The following LRBA variants were observed in gnomAD, a reference collection of about 807,000 sequenced individuals.
LRBA encodes the protein LPS responsive beige-like anchor protein.
Under a neutral mutation model 330.0 loss-of-function variants are expected in LRBA, and 176 were observed. The ratio of observed to expected loss-of-function variants is 0.53; its 90% CI spans 0.47 to 0.60. The LOEUF (loss-of-function observed/expected upper bound fraction) is 0.60. Among genes scored for constraint, LRBA ranks in the 20% least tolerant of loss-of-function variants. LRBA has a pLI of 0.00. For synonymous variants in LRBA, 1,230 were observed against 1,193.0 expected, an observed-to-expected ratio of 1.03 and a Z score of -0.64; for missense variants, 3,259 against 3,444.8, an observed-to-expected ratio of 0.95 and a Z score of 1.35.
At position 150,463,724 on chromosome 4, in the gene LRBA, A is replaced by C. The variant is rs1173328392; in HGVS notation, c.6780+3949T>G. ...GGTACAGCTGTAATATACAAATAAA[A>C]TTTGATTTTAATAAAGGATTCTGTT... On this transcript the variant is annotated intron_variant, in intron 44 of 56. Transcript: ENST00000651943. Among the ~76,000 whole-genome samples the C allele has an allele frequency of 2.6e-5, 4 of 152,002 alleles. 1 individual carries two copies. The highest frequency in any genetic ancestry group is 5.9e-5 in the Non-Finnish European group (4 of 67,952).
intron 37 of LRBA, among the ~76,000 whole-genome samples, chr4:150,671,443 C>A (rs930837249): frequency 2.0e-5 from 3 of 151,782 alleles, no homozygotes; most frequent in Non-Finnish European, 2.9e-5. Flanking sequence ...TCAGATATAC[C>A]CAAGAGATAT....
At chr4:150,904,933 C>T (rs1731160463) in intron 13 of LRBA, among the ~76,000 whole-genome samples, 1 of 152,096 alleles carries the variant, frequency 6.6e-6, no homozygotes, top group African/African-American at 2.4e-5. Flanking sequence ...ATGATAAACA[C>T]TGCAAGTGGG....
At chr4:150,519,481 T>C (rs1762703276) in intron 40 of LRBA, among the ~76,000 whole-genome samples, 1 of 152,208 alleles carries the variant, frequency 6.6e-6, no homozygotes, top group African/African-American at 2.4e-5. Flanking sequence ...CTTTTGTTTA[T>C]GGCTTCTTTC....
At chr4:150,911,852 T>C (rs946930823) in intron 9 of LRBA, among the ~76,000 whole-genome samples, 1 of 152,200 alleles carries the variant, frequency 6.6e-6, no homozygotes, top group Admixed American at 6.5e-5. Context: ...TTTTTTATTA[T>C]TGATTCAATC....
chr4:150,629,562 C>T (rs1305496105), intron 37 of LRBA, among the ~76,000 whole-genome samples: 1 of 152,006 alleles, frequency 6.6e-6, no homozygotes, highest in Non-Finnish European at 1.5e-5. Context: ...TCACTTGAAC[C>T]CAGGAGGCGA....
intron 40 of LRBA, among the ~76,000 whole-genome samples, chr4:150,563,992 T>A (rs994414432): frequency 3.3e-5 from 5 of 152,116 alleles, no homozygotes; most frequent in Admixed American, 3.3e-4. Flanking sequence ...GCCATCCCCA[T>A]CAAGCTACCA....
chr4:150,929,538 A>G (rs944024898), intron 2 of LRBA, among the ~76,000 whole-genome samples: 2 of 152,218 alleles, frequency 1.3e-5, no homozygotes, highest in African/African-American at 4.8e-5. Flanking sequence ...TGGTTTATTA[A>G]GCCTATTCAT....
At chr4:150,745,347 A>G (rs1300132640) in intron 35 of LRBA, among the ~76,000 whole-genome samples, 1 of 152,198 alleles carries the variant, frequency 6.6e-6, no homozygotes, top group African/African-American at 2.4e-5. Context: ...TTGCTATCAT[A>G]TCTCTATAGA....
intron 40 of LRBA, among the ~76,000 whole-genome samples, chr4:150,499,340 G>C (rs1759962521): frequency 6.6e-6 from 1 of 152,164 alleles, no homozygotes; most frequent in East Asian, 1.9e-4. Context: ...GCTGAATTAA[G>C]CTATAAAGTA....
At chr4:150,540,289 G>A (rs891159553) in intron 40 of LRBA, among the ~76,000 whole-genome samples, 1 of 152,050 alleles carries the variant, frequency 6.6e-6, no homozygotes, top group Non-Finnish European at 1.5e-5. Flanking sequence ...GCGCGATCTC[G>A]GCTCACTGCA....
At position 150,642,312 on chromosome 4, in the gene LRBA, T is replaced by C. The variant is rs190942903; in HGVS notation, c.5921+41239A>G. On this transcript the variant is annotated intron_variant, in intron 37 of 56. Transcript: ENST00000651943. ...AAAATAGAAAGTTGCGGGAGAATGG[T>C]ATAACATACTAGGCCATCAAAAAAA... 1.1e-4 allele frequency among the ~76,000 whole-genome samples: 16 copies of C among 152,068 alleles called. No homozygotes were observed. The East Asian group carries it at 1.7e-3, about 16-fold the overall frequency.
chr4:150,933,250 T>C (rs2149515336), intron 2 of LRBA, among the ~76,000 whole-genome samples: 1 of 151,688 alleles, frequency 6.6e-6, no homozygotes, highest in East Asian at 2.0e-4. Flanking sequence ...TAGCCAGGCA[T>C]GGTGACACGT....
In LRBA at chr4:150,413,425, T is replaced by C. The variant is rs186057946; in HGVS notation, c.7194+2013A>G. 6.3e-3 allele frequency among the ~76,000 whole-genome samples: 953 copies of C among 152,264 alleles called. 1 individual carries two copies. Among genetic ancestry groups the C allele is most frequent in the Middle Eastern group, 0.014 (4 of 294 alleles). On this transcript the variant is annotated intron_variant, in intron 47 of 56. Transcript: ENST00000651943. Reference sequence around the variant, plus strand: ...AAGAGATTTTAAAATGTGATATATCTATAAAATGGAATACTATACAGCAAT... The same window carrying C: ...AAGAGATTTTAAAATGTGATATATCCATAAAATGGAATACTATACAGCAAT...
rs988249334 is a variant in LRBA at position 150,792,457 on chromosome 4, G to A, written c.5580+5624C>T. ...ATTCACTGAACAGTACACTTAAAAT[G>A]TGTGGGTATTTACTGTATATAAATT... On this transcript the variant is annotated intron_variant, in intron 34 of 56. Coordinates refer to ENST00000651943, the MANE Select transcript of LRBA (RefSeq NM_001364905.1). Among the ~76,000 whole-genome samples, 3 of 152,160 alleles carry A rather than the reference G, an allele frequency of 2.0e-5. No individual in the cohort carries two copies. The East Asian group carries it at 5.8e-4, about 29-fold the overall frequency.
At chr4:150,685,172 C>A (rs923921185) in intron 36 of LRBA, among the ~76,000 whole-genome samples, 1 of 151,294 alleles carries the variant, frequency 6.6e-6, no homozygotes, top group African/African-American at 2.4e-5. Context: ...TGTAGAAAAA[C>A]AGAGCTCACT....
At chr4:151,003,914 T>C (rs895098927) in intron 2 of LRBA, among the ~76,000 whole-genome samples, 17 of 151,352 alleles carry the variant, frequency 1.1e-4, no homozygotes, top group Admixed American at 6.6e-4. Context: ...TGTGTGTGTG[T>C]GTGTGTGTGT....
At chr4:150,842,897 A>AG (rs1749303788) in intron 28 of LRBA, among the ~76,000 whole-genome samples, 1 of 146,988 alleles carries the variant, frequency 6.8e-6, no homozygotes, top group South Asian at 2.3e-4. Context: ...ATGGACCTGT[A>AG]GGGGGTAAGA....
chr4:150,533,704 C>T lies in LRBA; in HGVS notation c.6331-42669G>A, dbSNP rs144686385. Among the ~76,000 whole-genome samples, 1,237 of 152,226 alleles carry T rather than the reference C, an allele frequency of 8.1e-3. 5 individuals are homozygous for T. Among genetic ancestry groups the T allele is most frequent in the Middle Eastern group, 0.017 (5 of 294 alleles). ...TTTTCAACAGACAGCCCTGGAGGGA[C>T]GCTGCAGGATGAAAGCAGCTTCTTT... On this transcript the variant is annotated intron_variant, in intron 40 of 56. Coordinates refer to ENST00000651943, the MANE Select transcript of LRBA (RefSeq NM_001364905.1).
Position 150,767,756 on chromosome 4 carries a change from CA to C in LRBA, c.5581-5910del, listed in dbSNP as rs373910038. 3.1e-4 allele frequency among the ~76,000 whole-genome samples: 37 copies of C among 118,780 alleles called. No homozygotes were observed. In the South Asian group the frequency reaches 4.2e-3, roughly 14 times the overall value. 77.9% of individuals were successfully genotyped at this position (118,780 alleles called of 152,430 possible). A position where few individuals can be genotyped will look rare whatever the true frequency, so the allele number is the denominator to read the frequency against. ...CTGGGCAACAGAGCGAGACTTGTTG[CA>C]AAAAAAAAAAAAAAAAAAAAATTTG... On this transcript the variant is annotated intron_variant, in intron 34 of 56. Coordinates refer to ENST00000651943, the MANE Select transcript of LRBA (RefSeq NM_001364905.1).
Sources: allele counts gnomAD v4.1 joint callset (sites outside exome capture counted in the v4.1 genomes callset), GRCh38; gene constraint gnomAD v4.1.1; transcripts MANE v1.5; gene names NCBI Gene and HGNC (gene_info 2026-07-23, HGNC 2026-07-21).